The following LTBP4 variants were observed in gnomAD, a reference collection of about 807,000 sequenced individuals.
LTBP4 encodes latent transforming growth factor beta binding protein 4.
A neutral mutation model predicts 180.2 loss-of-function variants in LTBP4; 93 were observed. The observed-to-expected ratio is 0.52, with a 90% CI of 0.44 to 0.61. The LOEUF (loss-of-function observed/expected upper bound fraction) is 0.61, where lower values mean the gene tolerates loss of function less well. Ranked by LOEUF, LTBP4 falls within the 20% of genes least tolerant of loss-of-function variation. LTBP4 has a pLI of 0.00. For synonymous variants in LTBP4, 947 were observed against 934.5 expected, an observed-to-expected ratio of 1.01 and a Z score of -0.24; for missense variants, 2,116 against 2,256.5, an observed-to-expected ratio of 0.94 and a Z score of 1.26.
intron 8 of LTBP4, 23 bp from the exon 9 acceptor site, chr19:40,608,461 C>T (rs751915508): frequency 9.4e-6 from 15 of 1,593,584 alleles, no homozygotes; most frequent in South Asian, 6.8e-5. Context: ...GGGCTCCACT[C>T]GTTGATACCC....
rs1460228021 is a variant in LTBP4, at chr19:40,614,377, C to T, written c.2743C>T (p.Pro915Ser). The change falls in exon 19 of 30, where the codon CCC becomes TCC. Residue 915 changes from proline (P) to serine (S), a missense_variant. Pro to Ser is a moderately conservative substitution (Grantham distance 74). Around this residue, in one of 5 missense-constraint regions of LTBP4, gnomAD observed 877 missense variants for 873.6 expected, o/e 1.00. Transcript: ENST00000396819. ...LCGSQRCENS[P>S]GSYRCVRDCD... ...CGGGTCGCAGCGCTGTGAGAACTCTCCCGGCTCCTACCGCTGTGTCCGGGA... is the reference window on the plus strand; with the variant it reads ...CGGGTCGCAGCGCTGTGAGAACTCTTCCGGCTCCTACCGCTGTGTCCGGGA... 6.2e-7 allele frequency: 1 copy of T among 1,600,580 alleles called. No homozygotes were observed. Among genetic ancestry groups the T allele is most frequent in the South Asian group, 1.1e-5 (1 of 91,084 alleles).
rs1197081760 is a variant in LTBP4 at position 40,613,218 on chromosome 19, CAG to C, written c.2431+27_2431+28del. The C allele has an allele frequency of 2.6e-6, 4 of 1,556,610 alleles. No homozygotes were observed. Among genetic ancestry groups the C allele is most frequent in the South Asian group, 1.2e-5 (1 of 84,866 alleles). Reference sequence around the variant, plus strand: ...GCAGGTGAGCAGCATAGGGACCCGCCAGAGAGTCTGGGAGTAGGGCCTGGGTT... The same window carrying C: ...GCAGGTGAGCAGCATAGGGACCCGCCAGAGTCTGGGAGTAGGGCCTGGGTT... On this transcript the variant is annotated intron_variant, in intron 16 of 29. Coordinates refer to ENST00000396819, the MANE Select transcript of LTBP4 (RefSeq NM_001042545.2). This position sits in a 1 kb window ranked among gnomAD's most constrained non-coding sequence, Gnocchi z 5.0.
In LTBP4 at chr19:40,623,717, C is replaced by A. The variant is rs371177306; in HGVS notation, c.3670C>A (p.Arg1224=). 1 of 1,613,918 alleles carries A rather than the reference C, an allele frequency of 6.2e-7. No homozygotes were observed. ...CAACGGCTACTACTACCACACACAG[C>A]GGCTGGAGTGCATCGGTACAAGCCC... ...CSNGYYYHTQ[R]LECIDNDECA... Residue 1224 remains arginine, a synonymous_variant, in exon 25 of 30, where the codon CGG becomes AGG. Coordinates refer to ENST00000396819, the MANE Select transcript of LTBP4 (RefSeq NM_001042545.2).
At chr19:40,598,197 G>T (rs1341416942), upstream of LTBP4, among the ~76,000 whole-genome samples, 1 of 151,414 alleles carries the variant, frequency 6.6e-6, no homozygotes, top group East Asian at 2.0e-4. Context: ...CTGCGAATGC[G>T]TTTAGTAACC....
At chr19:40,627,599 G>T in intron 28 of LTBP4, 106 bp from the exon 29 acceptor site, 1 of 1,442,984 alleles carries the variant, frequency 6.9e-7, no homozygotes, top group South Asian at 1.3e-5. Flanking sequence ...GGAGCGGGAT[G>T]GACAGTTTAC....
At chr19:40,614,076 C>A (rs761557720) in intron 18 of LTBP4, 38 bp downstream of exon 18, 18 of 1,604,524 alleles carry the variant, frequency 1.1e-5, no homozygotes, top group Non-Finnish European at 1.5e-5. Flanking sequence ...CTCCTCCCTT[C>A]GACTCCCCGA....
intron 7 of LTBP4, among the ~76,000 whole-genome samples, chr19:40,607,819 T>TG (rs2081474601): frequency 6.6e-6 from 1 of 152,222 alleles, no homozygotes; most frequent in Non-Finnish European, 1.5e-5. Flanking sequence ...CCCTGAACTT[T>TG]GACCAAGTCC....
chr19:40,596,737 C>A (rs1288732775), upstream of LTBP4, among the ~76,000 whole-genome samples: 1 of 152,104 alleles, frequency 6.6e-6, no homozygotes, highest in Admixed American at 6.6e-5. Flanking sequence ...AATCCTCAGT[C>A]TCTCTCGTGG....
At chr19:40,594,909 T>C (rs1048345306) in intron 1 of LTBP4, among the ~76,000 whole-genome samples, 1 of 150,058 alleles carries the variant, frequency 6.7e-6, no homozygotes, top group Non-Finnish European at 1.5e-5. Context: ...CCCTCCTGGA[T>C]TGGAAGAAGG....
chr19:40,613,223 A>G lies in LTBP4; in HGVS notation c.2431+27A>G, dbSNP rs1415215192. On this transcript the variant is annotated intron_variant, in intron 16 of 29. Coordinates refer to ENST00000396819, the MANE Select transcript of LTBP4 (RefSeq NM_001042545.2). The surrounding 1 kb of genome is among the most constrained non-coding windows in gnomAD (Gnocchi z 5.0). ...TGAGCAGCATAGGGACCCGCCAGAG[A>G]GTCTGGGAGTAGGGCCTGGGTTCCA... 2 of 1,553,148 alleles carry G rather than the reference A, an allele frequency of 1.3e-6. No homozygotes were observed. Among genetic ancestry groups the G allele is most frequent in the East Asian group, 2.4e-5 (1 of 41,152 alleles).
rs1383750922 is a variant in LTBP4, at chr19:40,605,909, G to A, written c.793+78G>A. ...TCACCGTTCCTCCTACTCTGCCCTA[G>A]ATAAACCCAGTTCACAAATTGTAGC... On this transcript the variant is annotated intron_variant, in intron 4 of 29. Transcript: ENST00000396819. The surrounding 1 kb of genome is among the most constrained non-coding windows in gnomAD (Gnocchi z 5.5). 52 of 1,432,064 alleles carry A rather than the reference G, an allele frequency of 3.6e-5. No individual in the cohort carries two copies. Among genetic ancestry groups the A allele is most frequent in the Non-Finnish European group, 4.8e-5 (51 of 1,067,028 alleles). The allele number at this position is 1,432,064 out of a possible 1,614,324, so 88.7% of individuals were successfully genotyped here. A position where few individuals can be genotyped will look rare whatever the true frequency, so the allele number is the denominator to read the frequency against.
chr19:40,606,386 C>T lies in LTBP4; in HGVS notation c.869-18C>T, dbSNP rs2081461922. On this transcript the variant is annotated intron_variant, in intron 5 of 29. Transcript: ENST00000396819. ...GATCAAGTTCCTGACTCCACGGTGA[C>T]CTCCCCAACCCTGGCAGATGTGGAT... 1.9e-6 allele frequency: 3 copies of T among 1,606,356 alleles called. No individual in the cohort carries two copies. The highest frequency in any genetic ancestry group is 2.6e-6 in the Non-Finnish European group (3 of 1,176,200).
chr19:40,611,520 A>T lies in LTBP4; in HGVS notation c.2053+126A>T. ...GGAGAACAGGGGCTGAGGGATGGGG[A>T]CCTCACTCCAGAGTCTTCTCTCCTT... On this transcript the variant is annotated intron_variant, in intron 13 of 29. Transcript: ENST00000396819. This position sits in a 1 kb window ranked among gnomAD's most constrained non-coding sequence, Gnocchi z 4.4. 1.5e-6 allele frequency: 2 copies of T among 1,341,544 alleles called. No homozygotes were observed. Among genetic ancestry groups the T allele is most frequent in the Non-Finnish European group, 2.0e-6 (2 of 996,004 alleles). 83.1% of individuals were successfully genotyped at this position (1,341,544 alleles called of 1,614,324 possible).
rs2081589855 is a variant in LTBP4, at chr19:40,622,080, C to G, written c.3218-321C>G. Reference sequence around the variant, plus strand: ...TGTAGGTTTTGAGATGAAGACTCAGCCAGTTTGCCACACACTGGATAAGAG... The same window carrying G: ...TGTAGGTTTTGAGATGAAGACTCAGGCAGTTTGCCACACACTGGATAAGAG... On this transcript the variant is annotated intron_variant, in intron 22 of 29. Transcript: ENST00000396819. The surrounding 1 kb of genome is among the most constrained non-coding windows in gnomAD (Gnocchi z 5.1). 1.3e-5 allele frequency among the ~76,000 whole-genome samples: 2 copies of G among 152,132 alleles called. No individual in the cohort carries two copies. Among genetic ancestry groups the G allele is most frequent in the Non-Finnish European group, 2.9e-5 (2 of 68,024 alleles).
rs1305084019 is a variant in LTBP4, at chr19:40,605,658, A to C, written c.690+6A>C. The C allele has an allele frequency of 6.4e-7, 1 of 1,560,974 alleles. No individual in the cohort carries two copies. Among genetic ancestry groups the C allele is most frequent in the Non-Finnish European group, 8.7e-7 (1 of 1,153,736 alleles). On this transcript the variant is annotated splice_donor_region_variant and intron_variant, in intron 3 of 29. Transcript: ENST00000396819. This position sits in a 1 kb window ranked among gnomAD's most constrained non-coding sequence, Gnocchi z 5.5. ...GGGAGCTGCGCGGAGGCGAAGTGAG[A>C]GGAGGCCCGTGGGGAGGGGCCCGGA...
Position 40,601,405 on chromosome 19 carries a change from G to C in LTBP4, c.18G>C (p.Arg6=). ...CTGCAGCCATGGCGGGCGGCGTGCG[G>C]CTGCTCTGGGTGTCGCTATTGGTGC... MAGGV[R]LLWVSLLVLL... The change falls in exon 1 of 30, where the codon CGG becomes CGC. Residue 6 remains arginine (R), a synonymous_variant. Transcript: ENST00000396819. 2.2e-6 allele frequency: 3 copies of C among 1,343,598 alleles called. No individual in the cohort carries two copies. Among genetic ancestry groups the C allele is most frequent in the Non-Finnish European group, 2.9e-6 (3 of 1,041,098 alleles). The allele number at this position is 1,343,598 out of a possible 1,614,324, so 83.2% of individuals were successfully genotyped here.
At position 40,605,668 on chromosome 19, in the gene LTBP4, T is replaced by TG. The variant is rs1379582309; in HGVS notation, c.690+20dup. On this transcript the variant is annotated intron_variant, in intron 3 of 29. Transcript: ENST00000396819. This position sits in a 1 kb window ranked among gnomAD's most constrained non-coding sequence, Gnocchi z 5.5. ...CGGAGGCGAAGTGAGAGGAGGCCCG[T>TG]GGGGAGGGGCCCGGAGCTTGCCTCC... is the stretch of plus-strand genomic sequence containing the variant. 1 of 1,553,768 alleles carries TG rather than the reference T, an allele frequency of 6.4e-7. No homozygotes were observed. The highest frequency in any genetic ancestry group is 8.7e-7 in the Non-Finnish European group (1 of 1,150,230).
intron 19 of LTBP4, among the ~76,000 whole-genome samples, chr19:40,616,643 T>C (rs962463721): frequency 6.6e-6 from 1 of 152,060 alleles, no homozygotes; most frequent in Non-Finnish European, 1.5e-5. Flanking sequence ...TGAGGTAGAA[T>C]TGCTTGAACC....
At position 40,609,961 on chromosome 19, in the gene LTBP4, C is replaced by G; in HGVS notation, c.1684+90C>G. 7.0e-7 allele frequency: 1 copy of G among 1,430,062 alleles called. No individual in the cohort carries two copies. The highest frequency in any genetic ancestry group is 9.2e-7 in the Non-Finnish European group (1 of 1,088,652). The allele number at this position is 1,430,062 out of a possible 1,614,324, so 88.6% of individuals were successfully genotyped here. Reference sequence around the variant, plus strand: ...AGCCTCTCCAGCCCTCCCACGCTTCCCCTCTCGGGTCCCGCCCCAGGACTG... The same window carrying G: ...AGCCTCTCCAGCCCTCCCACGCTTCGCCTCTCGGGTCCCGCCCCAGGACTG... On this transcript the variant is annotated intron_variant, in intron 11 of 29. Coordinates refer to ENST00000396819, the MANE Select transcript of LTBP4 (RefSeq NM_001042545.2). This position sits in a 1 kb window ranked among gnomAD's most constrained non-coding sequence, Gnocchi z 4.9.
Sources: allele counts gnomAD v4.1 joint callset (sites outside exome capture counted in the v4.1 genomes callset), GRCh38; gene constraint gnomAD v4.1.1; regional missense constraint gnomAD v4.1.1; non-coding constraint Gnocchi (gnomAD v3.1); transcripts MANE v1.5; gene names NCBI Gene and HGNC (gene_info 2026-07-23, HGNC 2026-07-21).